CSMD1: variants seen among roughly 807,000 people sequenced by gnomAD.
CSMD1 encodes the protein CUB and Sushi multiple domains 1, also known as CUB and sushi domain-containing protein 1.
Under a neutral mutation model 417.5 loss-of-function variants are expected in CSMD1, and 213 were observed. That is an observed-to-expected ratio of 0.51 (90% CI 0.46 to 0.57). The LOEUF is 0.57. Ranked by LOEUF, CSMD1 falls within the 20% of genes least tolerant of loss-of-function variation. The pLI is 0.00. For missense variants in CSMD1, 6,923 were observed against 4,529.7 expected (o/e 1.53, Z -15.17); for synonymous variants, 2,862 against 1,736.8 (o/e 1.65, Z -16.11).
At chr8:4,064,624 G>C (rs1273998055) in intron 3 of CSMD1, among the ~76,000 whole-genome samples, 1 of 152,136 alleles carries the variant, frequency 6.6e-6, no homozygotes, top group Non-Finnish European at 1.5e-5. Flanking sequence ...CCCAACACCT[G>C]TGCCTTCACA....
intron 5 of CSMD1, among the ~76,000 whole-genome samples, chr8:3,786,392 A>G (rs951274446): frequency 6.6e-6 from 1 of 152,120 alleles, no homozygotes; most frequent in African/African-American, 2.4e-5. Context: ...AGTGAGAAGA[A>G]GAGGATCGAA....
At chr8:4,141,608 G>T (rs958827567) in intron 3 of CSMD1, among the ~76,000 whole-genome samples, 1 of 150,782 alleles carries the variant, frequency 6.6e-6, no homozygotes, top group Non-Finnish European at 1.5e-5. Context: ...GAGTTGTAAC[G>T]ATTCCTCCAC....
intron 3 of CSMD1, among the ~76,000 whole-genome samples, chr8:4,156,793 A>C (rs1796859388): frequency 6.6e-6 from 1 of 152,136 alleles, no homozygotes; most frequent in South Asian, 2.1e-4. Flanking sequence ...GAAGGGCCCA[A>C]ATTACAGATC....
rs1190233633 is a variant in CSMD1, at chr8:4,159,066, C to A, written c.416-126967G>T. On this transcript the variant is annotated intron_variant, in intron 3 of 69. Transcript: ENST00000635120. ...TAGTAACTGGGATTACAGGCTTGCA[C>A]CACCAGGCCCAGCTAATTTTTGTAT... 6.6e-5 allele frequency among the ~76,000 whole-genome samples: 10 copies of A among 152,206 alleles called. 1 individual carries two copies. The South Asian group carries it at 1.7e-3, about 25-fold the overall frequency.
intron 3 of CSMD1, among the ~76,000 whole-genome samples, chr8:4,295,664 G>T (rs1055712135): frequency 7.1e-6 from 1 of 140,544 alleles, no homozygotes; most frequent in East Asian, 2.0e-4. Flanking sequence ...ATAATCTTAA[G>T]ATTACATATG....
At chr8:3,876,210 C>A (rs1226464511) in intron 5 of CSMD1, among the ~76,000 whole-genome samples, 1 of 152,084 alleles carries the variant, frequency 6.6e-6, no homozygotes, top group African/African-American at 2.4e-5. Flanking sequence ...GGGGAAAACT[C>A]CTCTCACCCC....
chr8:3,307,952 T>C (rs1282739594), intron 24 of CSMD1, 131 bp from the exon 25 acceptor site: 4 of 988,702 alleles, frequency 4.0e-6, no homozygotes, highest in Non-Finnish European at 5.8e-6. Context: ...ATCATCTCTC[T>C]CTCCTGACCG....
At chr8:3,739,322 T>C (rs1330000231) in intron 6 of CSMD1, among the ~76,000 whole-genome samples, 3 of 152,244 alleles carry the variant, frequency 2.0e-5, no homozygotes, top group African/African-American at 7.2e-5. Flanking sequence ...AGGATGAATC[T>C]GTTCTAGTGT....
At position 3,719,450 on chromosome 8, in the gene CSMD1, T is replaced by A. The variant is rs138979541; in HGVS notation, c.932-10959A>T. Among the ~76,000 whole-genome samples, 5 of 152,262 alleles carry A rather than the reference T, an allele frequency of 3.3e-5. No individual in the cohort carries two copies. The East Asian group carries it at 9.7e-4, about 29-fold the overall frequency. The stretch of plus-strand genomic sequence containing the variant: ...CTTTTTCCAGGCACATAATGCAGAA[T>A]CTCAAGAAAAGTGGGTGGTATTTAA... On this transcript the variant is annotated intron_variant, in intron 6 of 69. Transcript: ENST00000635120.
chr8:4,305,532 C>G (rs1377795256), intron 3 of CSMD1, among the ~76,000 whole-genome samples: 1 of 152,206 alleles, frequency 6.6e-6, no homozygotes, highest in Non-Finnish European at 1.5e-5. Context: ...CACAGAACAA[C>G]TTCCCAGTAT....
At chr8:3,267,702 G>T (rs1801533952) in intron 26 of CSMD1, among the ~76,000 whole-genome samples, 1 of 152,308 alleles carries the variant, frequency 6.6e-6, no homozygotes, top group South Asian at 2.1e-4. Context: ...TAGAGTAACG[G>T]GCTGACATCT....
chr8:4,320,377 CT>C (rs918557306), intron 3 of CSMD1, among the ~76,000 whole-genome samples: 6 of 151,922 alleles, frequency 3.9e-5, no homozygotes, highest in Non-Finnish European at 5.9e-5. Flanking sequence ...TATTATTATA[CT>C]TTAAGTTGTG....
At chr8:3,622,006 T>C (rs1276956760) in intron 7 of CSMD1, among the ~76,000 whole-genome samples, 1 of 151,666 alleles carries the variant, frequency 6.6e-6, no homozygotes, top group Non-Finnish European at 1.5e-5. Flanking sequence ...TGTGTGTGTG[T>C]GTGTGTGTGT....
chr8:3,356,173 T>G (rs1009708147), intron 21 of CSMD1, among the ~76,000 whole-genome samples: 1 of 152,228 alleles, frequency 6.6e-6, no homozygotes, highest in Non-Finnish European at 1.5e-5. Flanking sequence ...CAACCTTTGG[T>G]ATGGATTTGC....
At chr8:3,838,586 G>A (rs1230930152) in intron 5 of CSMD1, among the ~76,000 whole-genome samples, 6 of 133,880 alleles carry the variant, frequency 4.5e-5, no homozygotes, top group African/African-American at 1.7e-4. Context: ...TATATCTATA[G>A]TCCCTCTCTA....
chr8:4,482,588 T>C (rs1218693633), intron 2 of CSMD1, among the ~76,000 whole-genome samples: 1 of 152,250 alleles, frequency 6.6e-6, no homozygotes, highest in African/African-American at 2.4e-5. Flanking sequence ...TAGAATGTTT[T>C]ATATTCCTTT....
At chr8:4,919,377 A>C (rs1374638904) in intron 1 of CSMD1, among the ~76,000 whole-genome samples, 4 of 152,198 alleles carry the variant, frequency 2.6e-5, no homozygotes, top group Non-Finnish European at 5.9e-5. Context: ...ATAAACAAAT[A>C]ATCTAATAAA....
At chr8:3,468,066 G>T (rs1444335186) in intron 12 of CSMD1, among the ~76,000 whole-genome samples, 1 of 152,136 alleles carries the variant, frequency 6.6e-6, no homozygotes, top group African/African-American at 2.4e-5. Flanking sequence ...CTATTTCAAA[G>T]GAGAATCCAA....
intron 46 of CSMD1, among the ~76,000 whole-genome samples, chr8:3,097,827 T>C (rs1056126777): frequency 1.3e-5 from 2 of 152,168 alleles, no homozygotes; most frequent in African/African-American, 4.8e-5. Flanking sequence ...CTCGGGACCC[T>C]GGGAAGAGGA....
Sources: gnomAD v4.1 joint callset for allele counts (sites outside exome capture counted in the v4.1 genomes callset) on GRCh38, gnomAD v4.1.1 for gene constraint, MANE v1.5 for transcripts, NCBI Gene and HGNC (gene_info 2026-07-23, HGNC 2026-07-21) for gene names.